CLASP1: variants seen among roughly 807,000 people sequenced by gnomAD.
CLASP1 encodes the protein cytoplasmic linker associated protein 1.
Under a neutral mutation model 192.3 loss-of-function variants are expected in CLASP1, and 38 were observed. The ratio of observed to expected loss-of-function variants is 0.20; its 90% CI spans 0.15 to 0.26. CLASP1 has a LOEUF of 0.26. Ranked by LOEUF, CLASP1 falls within the 10% of genes least tolerant of loss-of-function variation. CLASP1 has a pLI of 1.00. For synonymous variants in CLASP1, 691 were observed against 712.8 expected (o/e 0.97, Z 0.49); for missense variants, 1,433 against 1,932.5 (o/e 0.74, Z 4.85).
chr2:121,583,014 G>A (rs771034200), intron 2 of CLASP1, among the ~76,000 whole-genome samples: 2 of 151,920 alleles, frequency 1.3e-5, no homozygotes, highest in Non-Finnish European at 2.9e-5. Context: ...TCAAACTCCT[G>A]ACCTCAAGTG....
intron 2 of CLASP1, among the ~76,000 whole-genome samples, chr2:121,573,467 T>C (rs962395817): frequency 6.6e-6 from 1 of 152,238 alleles, no homozygotes; most frequent in African/African-American, 2.4e-5. Context: ...CCCAAAAGTA[T>C]CATGGTCTGG....
At chr2:121,624,217 G>A (rs759017924) in intron 1 of CLASP1, among the ~76,000 whole-genome samples, 5 of 151,640 alleles carry the variant, frequency 3.3e-5, no homozygotes, top group African/African-American at 4.9e-5. Flanking sequence ...GTTTCTTAAG[G>A]TGGAAGATTA....
intron 23 of CLASP1, among the ~76,000 whole-genome samples, chr2:121,417,947 T>A (rs1291858869): frequency 6.6e-6 from 1 of 152,230 alleles, no homozygotes; most frequent in African/African-American, 2.4e-5. Flanking sequence ...AAATGATTTC[T>A]ACGTTTATGC....
chr2:121,541,882 TATGAGA>T (rs1334151021), intron 2 of CLASP1, among the ~76,000 whole-genome samples: 2 of 152,224 alleles, frequency 1.3e-5, no homozygotes, highest in Non-Finnish European at 2.9e-5. Context: ...TTCCCTTCTT[TATGAGA>T]GCAGCACTTT....
intron 35 of CLASP1, 37 bp downstream of exon 36, chr2:121,367,551 C>A (rs762773952): frequency 6.2e-7 from 1 of 1,612,786 alleles, no homozygotes; most frequent in Non-Finnish European, 8.5e-7. Flanking sequence ...AAGGGAAGCA[C>A]TTCTGGGTGG....
intron 20 of CLASP1, among the ~76,000 whole-genome samples, chr2:121,427,717 T>C (rs1011372722): frequency 6.6e-6 from 1 of 152,320 alleles, no homozygotes; most frequent in Middle Eastern, 3.4e-3. Flanking sequence ...GAAGTGATTG[T>C]AACTTACTCA....
At chr2:121,361,562 T>G (rs1573785248) in intron 37 of CLASP1, among the ~76,000 whole-genome samples, 1 of 152,322 alleles carries the variant, frequency 6.6e-6, no homozygotes, top group East Asian at 1.9e-4. Context: ...CCAACACTAA[T>G]TCATAAACTT....
intron 1 of CLASP1, among the ~76,000 whole-genome samples, chr2:121,611,989 G>A (rs1243204499): frequency 2.7e-5 from 4 of 150,756 alleles, no homozygotes; most frequent in Admixed American, 2.6e-4. Context: ...GGATAAAGTG[G>A]AACTGGAGGA....
intron 6 of CLASP1, among the ~76,000 whole-genome samples, chr2:121,520,225 A>G (rs72969373): frequency 0.038 from 5,845 of 152,318 alleles, 156 homozygotes; most frequent in East Asian, 0.14. Context: ...TCTCACCAGC[A>G]CACTGCACCT....
At chr2:121,401,229 G>GT (rs1477526948) in intron 28 of CLASP1, among the ~76,000 whole-genome samples, 3 of 152,114 alleles carry the variant, frequency 2.0e-5, no homozygotes, top group Admixed American at 6.5e-5. Flanking sequence ...CCCTTTAAAT[G>GT]TTTTTTAATG....
chr2:121,347,581 G>A (rs1229415268), intron 38 of CLASP1, among the ~76,000 whole-genome samples: 2 of 152,310 alleles, frequency 1.3e-5, no homozygotes, highest in East Asian at 1.9e-4. Flanking sequence ...ATCATCACTC[G>A]CTCTTGTGAG....
intron 1 of CLASP1, among the ~76,000 whole-genome samples, chr2:121,640,791 C>T (rs139257873): frequency 1.3e-5 from 2 of 152,308 alleles, no homozygotes; most frequent in Non-Finnish European, 2.9e-5. Context: ...TTCTCCAAGT[C>T]TCTGCTTTCT....
intron 8 of CLASP1, among the ~76,000 whole-genome samples, chr2:121,485,691 C>G (rs996883031): frequency 6.6e-6 from 1 of 152,070 alleles, no homozygotes; most frequent in Non-Finnish European, 1.5e-5. Flanking sequence ...CAGTAAAACC[C>G]TGTCACTGCT....
chr2:121,484,140 A>C (rs546871118), intron 8 of CLASP1, among the ~76,000 whole-genome samples: 1 of 152,248 alleles, frequency 6.6e-6, no homozygotes, highest in Non-Finnish European at 1.5e-5. Context: ...AAGGTACAGG[A>C]TATCTTTAAA....
intron 1 of CLASP1, among the ~76,000 whole-genome samples, chr2:121,607,587 T>C (rs1197977478): frequency 1.3e-5 from 2 of 152,314 alleles, no homozygotes; most frequent in South Asian, 2.1e-4. Flanking sequence ...TGACTTACTC[T>C]AAAACCATTA....
intron 2 of CLASP1, among the ~76,000 whole-genome samples, chr2:121,566,090 T>C (rs539794409): frequency 6.6e-6 from 1 of 152,330 alleles, no homozygotes; most frequent in African/African-American, 2.4e-5. Context: ...ATTTCACTGC[T>C]TTAATCCAAG....
intron 18 of CLASP1, 144 bp from the exon 19 acceptor site, chr2:121,447,651 T>G: frequency 1.4e-6 from 1 of 706,136 alleles, no homozygotes; most frequent in Non-Finnish European, 2.3e-6. Flanking sequence ...ACAAACAGTT[T>G]CTCCTGGTCC....
intron 19 of CLASP1, among the ~76,000 whole-genome samples, chr2:121,445,951 T>A (rs963594008): frequency 6.6e-6 from 1 of 152,164 alleles, no homozygotes; most frequent in African/African-American, 2.4e-5. Context: ...AAAGCATAGG[T>A]AAGTACTGAA....
intron 30 of CLASP1, chr2:121,388,137 C>T (rs2073666812): frequency 5.1e-6 from 2 of 394,780 alleles, no homozygotes; most frequent in Admixed American, 4.1e-5. Flanking sequence ...TGGAATTCCA[C>T]AGCACACTAA....
Sources: allele counts gnomAD v4.1 joint callset (sites outside exome capture counted in the v4.1 genomes callset), GRCh38; gene constraint gnomAD v4.1.1; transcripts MANE v1.5; gene names NCBI Gene and HGNC (gene_info 2026-07-23, HGNC 2026-07-21).